The following ADK variants were observed in gnomAD, a reference collection of about 807,000 sequenced individuals.
The protein encoded by ADK is adenosine kinase.
In ADK, 24 loss-of-function variants were observed where a neutral mutation model predicts 44.7. The observed-to-expected ratio is 0.54, with a 90% CI of 0.39 to 0.76. ADK has a LOEUF of 0.76. Among genes scored for constraint, ADK ranks in the 30% least tolerant of loss-of-function variants. The probability of loss-of-function intolerance (pLI) is 0.00; values close to 1 mark genes in which losing one functional copy is unlikely to be tolerated. For missense variants in ADK, 321 were observed against 425.1 expected, an observed-to-expected ratio of 0.76 and a Z score of 2.15; for synonymous variants, 128 against 142.6, an observed-to-expected ratio of 0.90 and a Z score of 0.73.
At chr10:74,239,096 C>T (rs1177912080) in intron 3 of ADK, among the ~76,000 whole-genome samples, 1 of 151,884 alleles carries the variant, frequency 6.6e-6, no homozygotes, top group African/African-American at 2.4e-5. Context: ...TAGGAAATCA[C>T]AGTGGGGACA....
chr10:74,235,367 C>T (rs967294683), intron 3 of ADK, among the ~76,000 whole-genome samples: 14 of 152,114 alleles, frequency 9.2e-5, no homozygotes, highest in African/African-American at 2.4e-4. Context: ...GGTGGTCTCA[C>T]TCTGTCGCCT....
At chr10:74,372,420 G>C (rs1842689160) in intron 4 of ADK, 1 of 667,612 alleles carries the variant, frequency 1.5e-6, no homozygotes, top group Non-Finnish European at 2.8e-6. Context: ...GTCTTAAGCT[G>C]TTATTGCACA....
At chr10:74,422,222 G>A (rs1381284054) in intron 6 of ADK, among the ~76,000 whole-genome samples, 1 of 152,182 alleles carries the variant, frequency 6.6e-6, no homozygotes, top group Non-Finnish European at 1.5e-5. Context: ...CCCTAAACCT[G>A]TAGCCTCAAT....
chr10:74,308,979 T>G (rs1185843302), intron 3 of ADK, among the ~76,000 whole-genome samples: 1 of 152,170 alleles, frequency 6.6e-6, no homozygotes, highest in Admixed American at 6.5e-5. Context: ...AAGTGTTGGT[T>G]TTGTGGACAT....
At chr10:74,230,282 A>G (rs1203946013) in intron 3 of ADK, among the ~76,000 whole-genome samples, 1 of 151,786 alleles carries the variant, frequency 6.6e-6, no homozygotes, top group Admixed American at 6.6e-5. Flanking sequence ...AAATTATAGT[A>G]TTTTGATTCT....
chr10:74,457,944 C>A lies in ADK; in HGVS notation c.555+59365C>A, dbSNP rs1445431480. Among the ~76,000 whole-genome samples, 5 of 151,876 alleles carry A rather than the reference C, an allele frequency of 3.3e-5. No individual in the cohort carries two copies. The East Asian group carries it at 9.7e-4, about 29-fold the overall frequency. On this transcript the variant is annotated intron_variant, in intron 6 of 10. Coordinates refer to ENST00000539909, the MANE Select transcript of ADK (RefSeq NM_006721.4). ...TGACGGGTTGATGGGTACAGCAAAC[C>A]ACCATGGCATGTGTATACCTATGTA...
chr10:74,642,573 C>A (rs1302392144), intron 9 of ADK, among the ~76,000 whole-genome samples: 1 of 151,926 alleles, frequency 6.6e-6, no homozygotes, highest in Non-Finnish European at 1.5e-5. Flanking sequence ...TTGCAATACT[C>A]TGATCTCATG....
intron 6 of ADK, among the ~76,000 whole-genome samples, chr10:74,502,749 A>C (rs1248913295): frequency 6.6e-6 from 1 of 152,166 alleles, no homozygotes; most frequent in Non-Finnish European, 1.5e-5. Context: ...TAGAGATAGA[A>C]AGCAGCAGCA....
In ADK at chr10:74,282,382, G is replaced by A. The variant is rs145397972; in HGVS notation, c.195-32285G>A. Among the ~76,000 whole-genome samples the A allele has an allele frequency of 1.8e-4, 27 of 152,266 alleles. No homozygotes were observed. The East Asian group carries it at 3.7e-3, about 21-fold the overall frequency. On this transcript the variant is annotated intron_variant, in intron 3 of 10. Transcript: ENST00000539909. ...TGTGAATCAAAACCGCTTTGTTCCT[G>A]TAAACTGTGAAAGGGGTTTAAGCAT...
chr10:74,278,331 G>A (rs1846779635), intron 3 of ADK, among the ~76,000 whole-genome samples: 1 of 145,912 alleles, frequency 6.9e-6, no homozygotes, highest in East Asian at 2.0e-4. Flanking sequence ...TCCAGTCTGG[G>A]TGACAGAGTG....
chr10:74,687,652 A>T (rs1855841573), intron 10 of ADK, among the ~76,000 whole-genome samples: 1 of 152,210 alleles, frequency 6.6e-6, no homozygotes, highest in African/African-American at 2.4e-5. Flanking sequence ...TGATCCATCT[A>T]TCATACAATA....
chr10:74,595,772 G>C (rs75156079), intron 8 of ADK, among the ~76,000 whole-genome samples: 1 of 118,678 alleles, frequency 8.4e-6, no homozygotes, highest in African/African-American at 3.2e-5. Context: ...CAAGGTGGGT[G>C]GATCACCTGA....
intron 4 of ADK, among the ~76,000 whole-genome samples, chr10:74,353,524 C>T (rs575700524): frequency 4.7e-5 from 7 of 147,476 alleles, no homozygotes; most frequent in East Asian, 2.0e-4. Flanking sequence ...TGTATACCAA[C>T]GTAACAAACC....
chr10:74,550,702 C>T (rs181710574), intron 7 of ADK, among the ~76,000 whole-genome samples: 435 of 152,256 alleles, frequency 2.9e-3, no homozygotes, highest in Middle Eastern at 0.021. Flanking sequence ...AACAATCAAT[C>T]TTAAAGACAT....
At chr10:74,525,560 A>C (rs1332365576) in intron 7 of ADK, 134 bp downstream of exon 7, 1 of 777,236 alleles carries the variant, frequency 1.3e-6, no homozygotes, top group Non-Finnish European at 2.0e-6. Context: ...ATTGTGCAAC[A>C]AAATTGCCTC....
intron 9 of ADK, chr10:74,655,689 G>A (rs913558105): frequency 6.1e-5 from 29 of 474,116 alleles, no homozygotes; most frequent in African/African-American, 3.6e-4. Context: ...GGACATATCC[G>A]TGGCAGAGCT....
chr10:74,277,650 C>T (rs771417371), intron 3 of ADK, among the ~76,000 whole-genome samples: 2 of 152,120 alleles, frequency 1.3e-5, no homozygotes, highest in African/African-American at 2.4e-5. Flanking sequence ...CCACCTGCCT[C>T]GGCCTCCCAA....
intron 7 of ADK, among the ~76,000 whole-genome samples, chr10:74,582,165 A>T (rs1385414774): frequency 1.3e-5 from 2 of 152,146 alleles, no homozygotes; most frequent in South Asian, 4.1e-4. Context: ...TCTACAAAAA[A>T]ATACAAAAAT....
intron 4 of ADK, 145 bp downstream of exon 4, chr10:74,314,890 A>C (rs914047492): frequency 3.1e-6 from 2 of 638,314 alleles, no homozygotes; most frequent in Middle Eastern, 4.0e-4. Context: ...TTGCACATCT[A>C]ATCAAAAGTT....
Sources: gnomAD v4.1 joint callset for allele counts (sites outside exome capture counted in the v4.1 genomes callset) on GRCh38, gnomAD v4.1.1 for gene constraint, MANE v1.5 for transcripts, NCBI Gene and HGNC (gene_info 2026-07-23, HGNC 2026-07-21) for gene names.